The following TET3 variants were observed in gnomAD, a reference collection of about 807,000 sequenced individuals.
TET3 encodes methylcytosine dioxygenase TET3.
In TET3, 19 loss-of-function variants were observed where a neutral mutation model predicts 141.4. That is an observed-to-expected ratio of 0.13 (90% confidence interval 0.09 to 0.20). The LOEUF is 0.20. TET3 is among the 10% of genes least tolerant of loss of function. TET3 has a pLI of 1.00. For missense variants in TET3, 1,874 were observed against 2,356.9 expected, an observed-to-expected ratio of 0.80 and a Z score of 4.24; for synonymous variants, 1,043 against 980.9, an observed-to-expected ratio of 1.06 and a Z score of -1.18.
At chr2:74,080,274 CG>C (rs1481184970) in intron 5 of TET3, among the ~76,000 whole-genome samples, 4 of 152,164 alleles carry the variant, frequency 2.6e-5, no homozygotes, top group African/African-American at 9.7e-5. Context: ...GCCCGATGGG[CG>C]GGAGCAGAGA....
the TET3 span, among the ~76,000 whole-genome samples, chr2:74,126,832 C>T: frequency 0.02 from 2,996 of 152,134 alleles, 89 homozygotes; most frequent in African/African-American, 0.066. Context: ...TAAATGTAAA[C>T]GCTAACTTTA....
At chr2:73,987,830 C>T (rs2105063528) in intron 2 of TET3, among the ~76,000 whole-genome samples, 1 of 152,320 alleles carries the variant, frequency 6.6e-6, no homozygotes, top group South Asian at 2.1e-4. Context: ...GACTCGGGTC[C>T]CTGTGGCTGG....
chr2:74,007,735 G>A (rs1183126055), intron 3 of TET3, among the ~76,000 whole-genome samples: 1 of 152,192 alleles, frequency 6.6e-6, no homozygotes, highest in Non-Finnish European at 1.5e-5. Flanking sequence ...AGCTTTCTGG[G>A]TAAAGTGAGG....
chr2:74,095,796 G>T (rs917778111), intron 10 of TET3, among the ~76,000 whole-genome samples: 1 of 152,216 alleles, frequency 6.6e-6, no homozygotes, highest in Non-Finnish European at 1.5e-5. Context: ...TAAACCACAG[G>T]GAGAGGCCAT....
chr2:74,119,462 G>A, the TET3 span, among the ~76,000 whole-genome samples: 2 of 152,056 alleles, frequency 1.3e-5, no homozygotes, highest in East Asian at 3.9e-4. Context: ...TAATCAGGTT[G>A]AGCCTATTAG....
At position 74,107,575 on chromosome 2, in the gene TET3, ATTTC is replaced by A. The variant is rs1199249831; in HGVS notation, c.*5403_*5406del. 2 of 152,038 alleles carry A rather than the reference ATTTC, an allele frequency of 1.3e-5. No homozygotes were observed. Among genetic ancestry groups the A allele is most frequent in the African/African-American group, 4.8e-5 (2 of 41,396 alleles). 9.4% of individuals were successfully genotyped at this position (152,038 alleles called of 1,614,324 possible). A position where few individuals can be genotyped will look rare whatever the true frequency, so the allele number is the denominator to read the frequency against. ...AGGGGAGAAAAACAGGAGTGATGTC[ATTTC>A]TTTTTCATGTATTCCAATTAAAGAA... is the stretch of plus-strand genomic sequence containing the variant. On this transcript the variant is annotated 3_prime_UTR_variant, in exon 12 of 12. Transcript: ENST00000409262.
chr2:74,010,759 C>G (rs1685386368), intron 3 of TET3, among the ~76,000 whole-genome samples: 1 of 152,198 alleles, frequency 6.6e-6, no homozygotes, highest in Admixed American at 6.5e-5. Flanking sequence ...TTCTCATTCA[C>G]TGATAATTTT....
rs956315297 is a variant in TET3 at position 74,093,444 on chromosome 2, C to T, written c.3130-85C>T. On this transcript the variant is annotated intron_variant, in intron 9 of 11. Transcript: ENST00000409262. The surrounding 1 kb of genome is among the most constrained non-coding windows in gnomAD (Gnocchi z 4.2). ...GTGACTATCATCCTTAACATCCCTC[C>T]TTCCAAGACCTGGCCTCCCCAGGTG... The T allele has an allele frequency of 1.1e-5, 16 of 1,461,902 alleles. No individual in the cohort carries two copies. The South Asian group carries it at 2.3e-4, about 21-fold the overall frequency. 90.6% of individuals were successfully genotyped at this position (1,461,902 alleles called of 1,614,324 possible).
At chr2:74,003,625 CATT>C (rs1184671311) in intron 3 of TET3, among the ~76,000 whole-genome samples, 1 of 150,052 alleles carries the variant, frequency 6.7e-6, no homozygotes, top group Middle Eastern at 3.2e-3. Context: ...GATAGGATGT[CATT>C]AGTCATGCTG....
intron 4 of TET3, among the ~76,000 whole-genome samples, chr2:74,056,422 T>C (rs1217253171): frequency 6.6e-6 from 1 of 152,242 alleles, no homozygotes; most frequent in Non-Finnish European, 1.5e-5. Flanking sequence ...AGTATAGAAT[T>C]AAGTGCACAG....
At chr2:74,078,871 AAT>A (rs1689654315) in intron 5 of TET3, among the ~76,000 whole-genome samples, 1 of 152,266 alleles carries the variant, frequency 6.6e-6, no homozygotes. Context: ...ATGTGTTAAA[AAT>A]ATATTTTATA....
rs1052520916 is a variant in TET3 at position 74,076,513 on chromosome 2, C to G, written c.2585+2874C>G. On this transcript the variant is annotated intron_variant, in intron 5 of 11. Coordinates refer to ENST00000409262, the MANE Select transcript of TET3 (RefSeq NM_001287491.2). Reference sequence around the variant, plus strand: ...TTGTTTTTGACATGATCCTAACAAGCCTTTTTTGGATTTCTCATATAACAA... The same window carrying G: ...TTGTTTTTGACATGATCCTAACAAGGCTTTTTTGGATTTCTCATATAACAA... 3.3e-5 allele frequency among the ~76,000 whole-genome samples: 4 copies of G among 122,158 alleles called. No individual in the cohort carries two copies. In the East Asian group the frequency reaches 7.0e-4, roughly 21 times the overall value. The allele number at this position is 122,158 out of a possible 152,430, so 80.1% of individuals were successfully genotyped here. A position where few individuals can be genotyped will look rare whatever the true frequency, so the allele number is the denominator to read the frequency against.
chr2:74,095,831 C>T (rs923339095), intron 10 of TET3, among the ~76,000 whole-genome samples: 2 of 152,324 alleles, frequency 1.3e-5, no homozygotes, highest in South Asian at 2.1e-4. Flanking sequence ...TGTGCAGTGG[C>T]GCAGTAACCT....
Position 74,101,808 on chromosome 2 carries a change from G to A in TET3, c.5020G>A (p.Ala1674Thr), listed in dbSNP as rs1464805407. ...CGAGTGTGCCCGGCGGGAGCTGCAC[G>A]CCACCACGCCGCTTAAGAAGCCCAA... ...LIECARRELH[A>T]TTPLKKPNRC... Residue 1674 changes from alanine (A) to threonine (T), a missense_variant, in exon 12 of 12, where the codon GCC (alanine) becomes ACC (threonine). Physicochemically the swap from Ala to Thr is moderately conservative, Grantham distance 58 (BLOSUM62 0). Around this residue, in one of 10 missense-constraint regions of TET3, gnomAD observed 41 missense variants for 116.8 expected, o/e 0.35. Transcript: ENST00000409262. This position sits in a 1 kb window ranked among gnomAD's most constrained non-coding sequence, Gnocchi z 8.5. 1 of 1,612,932 alleles carries A rather than the reference G, an allele frequency of 6.2e-7. No homozygotes were observed. Among genetic ancestry groups the A allele is most frequent in the Non-Finnish European group, 8.5e-7 (1 of 1,179,804 alleles).
chr2:74,058,924 A>T (rs1343547730), intron 4 of TET3, among the ~76,000 whole-genome samples: 1 of 152,258 alleles, frequency 6.6e-6, no homozygotes, highest in African/African-American at 2.4e-5. Context: ...CAGAGTCTGT[A>T]AAGTTTTATG....
intron 10 of TET3, among the ~76,000 whole-genome samples, chr2:74,097,284 A>G (rs1558791485): frequency 6.6e-6 from 1 of 151,818 alleles, no homozygotes. Flanking sequence ...CTAATAATTC[A>G]CAGAGCTCCA....
intron 6 of TET3, among the ~76,000 whole-genome samples, chr2:74,081,135 T>C (rs1689798388): frequency 6.6e-6 from 1 of 152,200 alleles, no homozygotes; most frequent in South Asian, 2.1e-4. Flanking sequence ...GCCTCTGCCT[T>C]GCTTCTAAGC....
chr2:74,071,139 G>A (rs1440497514), intron 4 of TET3, among the ~76,000 whole-genome samples: 1 of 152,170 alleles, frequency 6.6e-6, no homozygotes, highest in African/African-American at 2.4e-5. Flanking sequence ...CTTCACATAG[G>A]AGAGGAGAGG....
chr2:73,992,292 C>CTCTTTTTCTTTTCTTT (rs1684364784), intron 2 of TET3, among the ~76,000 whole-genome samples: 2 of 109,826 alleles, frequency 1.8e-5, no homozygotes, highest in African/African-American at 1.1e-4. Flanking sequence ...AAATCACAAT[C>CTCTTTTTCTTTTCTTT]TTTTTTTCTT....
Sources: allele counts gnomAD v4.1 joint callset (sites outside exome capture counted in the v4.1 genomes callset), GRCh38; gene constraint gnomAD v4.1.1; regional missense constraint gnomAD v4.1.1; non-coding constraint Gnocchi (gnomAD v3.1); transcripts MANE v1.5; gene names NCBI Gene and HGNC (gene_info 2026-07-23, HGNC 2026-07-21).